ZAN: variants seen among roughly 807,000 people sequenced by gnomAD.
ZAN encodes the protein zonadhesin.
ZAN carries 260 observed loss-of-function variants against 286.2 expected under a neutral mutation model. That is an observed-to-expected ratio of 0.91 (90% CI 0.82 to 1.01). The LOEUF (loss-of-function observed/expected upper bound fraction) is 1.01, where lower values mean the gene tolerates loss of function less well. Among genes scored for constraint, ZAN ranks in the 50% least tolerant of loss-of-function variants. The pLI is 0.00. For missense variants in ZAN, 3,410 were observed against 3,639.2 expected (o/e 0.94, Z 1.62); for synonymous variants, 1,368 against 1,417.5 (o/e 0.97, Z 0.79).
chr7:100,757,916 C>T (rs1286606635), intron 15 of ZAN, among the ~76,000 whole-genome samples: 2 of 128,634 alleles, frequency 1.6e-5, no homozygotes, highest in Admixed American at 8.2e-5. Context: ...CTCTCCAAAA[C>T]GTTAAAAAAA....
At chr7:100,771,556 C>T (rs781580777) in intron 28 of ZAN, among the ~76,000 whole-genome samples, 35 of 152,036 alleles carry the variant, frequency 2.3e-4, no homozygotes, top group Non-Finnish European at 4.9e-4. Flanking sequence ...CCCAACCTCC[C>T]GAGTTGCCTG....
At chr7:100,777,838 C>T (rs992199480) in intron 34 of ZAN, among the ~76,000 whole-genome samples, 16 of 151,836 alleles carry the variant, frequency 1.1e-4, no homozygotes, top group African/African-American at 1.7e-4. Context: ...ATGATCCTCC[C>T]GCCTCGGCCC....
intron 11 of ZAN, among the ~76,000 whole-genome samples, chr7:100,749,176 TA>T (rs1476312696): frequency 6.7e-6 from 1 of 150,204 alleles, no homozygotes; most frequent in South Asian, 2.1e-4. Context: ...CTGACTCCAC[TA>T]AAAAAAATGT....
At chr7:100,778,790 C>T (rs1263829396) in intron 34 of ZAN, among the ~76,000 whole-genome samples, 2 of 151,936 alleles carry the variant, frequency 1.3e-5, no homozygotes, top group Non-Finnish European at 2.9e-5. Flanking sequence ...CTCAGCACTT[C>T]GCGAGGCCGA....
rs552633663 is a variant in ZAN at position 100,749,444 on chromosome 7, T to G, written c.1249+974T>G. Among the ~76,000 whole-genome samples the G allele has an allele frequency of 1.6e-3, 248 of 150,830 alleles. 2 individuals are homozygous for G. In the East Asian group the frequency reaches 0.027, roughly 16 times the overall value. ...TCACAAGGTCAGGAGATCGAGACCATCCTGGCTAACACGGTGAAACCCCGT... is the reference window on the plus strand; with the variant it reads ...TCACAAGGTCAGGAGATCGAGACCAGCCTGGCTAACACGGTGAAACCCCGT... On this transcript the variant is annotated intron_variant, in intron 11 of 47. Transcript: ENST00000613979.
chr7:100,796,703 T>C (rs1812389747), intron 45 of ZAN, among the ~76,000 whole-genome samples: 1 of 151,952 alleles, frequency 6.6e-6, no homozygotes. Context: ...GGCGTGAGCC[T>C]TTGTGCCCAA....
At chr7:100,785,147 G>A (rs972186969) in intron 36 of ZAN, among the ~76,000 whole-genome samples, 3 of 150,960 alleles carry the variant, frequency 2.0e-5, no homozygotes, top group South Asian at 2.1e-4. Context: ...TGTTATATCC[G>A]TTTCCTCATC....
chr7:100,774,719 T>A lies in ZAN; in HGVS notation c.5780-609T>A, dbSNP rs181788815. Among the ~76,000 whole-genome samples, 10 of 151,032 alleles carry A rather than the reference T, an allele frequency of 6.6e-5. No homozygotes were observed. The East Asian group carries it at 7.8e-4, about 12-fold the overall frequency. On this transcript the variant is annotated intron_variant, in intron 31 of 47. Coordinates refer to ENST00000613979, the MANE Select transcript of ZAN (RefSeq NM_003386.3). ...TTTATGCCTGTAGTCCCAGATACTCTGGAGGCTGAGGTAGGAGGACCACTT... is the reference window on the plus strand; with the variant it reads ...TTTATGCCTGTAGTCCCAGATACTCAGGAGGCTGAGGTAGGAGGACCACTT...
intron 35 of ZAN, among the ~76,000 whole-genome samples, chr7:100,780,417 TA>T (rs1417500779): frequency 6.6e-6 from 1 of 152,006 alleles, no homozygotes; most frequent in Non-Finnish European, 1.5e-5. Flanking sequence ...CTCATGCCTA[TA>T]ATCTCAGCAA....
At chr7:100,786,907 A>G (rs1347287378) in intron 37 of ZAN, among the ~76,000 whole-genome samples, 1 of 152,042 alleles carries the variant, frequency 6.6e-6, no homozygotes, top group African/African-American at 2.4e-5. Context: ...TTAAAATTTT[A>G]AAAAATTAGT....
chr7:100,791,788 C>T (rs776092571), intron 40 of ZAN, among the ~76,000 whole-genome samples, 178 bp from the exon 41 acceptor site: 3 of 152,024 alleles, frequency 2.0e-5, no homozygotes, highest in Non-Finnish European at 2.9e-5. Flanking sequence ...AGTGCAGTGG[C>T]GTGATCTTGG....
At position 100,775,590 on chromosome 7, in the gene ZAN, G is replaced by C. The variant is rs1810713225; in HGVS notation, c.6027+15G>C. On this transcript the variant is annotated intron_variant, in intron 32 of 47. Coordinates refer to ENST00000613979, the MANE Select transcript of ZAN (RefSeq NM_003386.3). ...ACCGTGTGCTAGTGAGCTGGGTGTGGTGACCGGGGCTGGGAGGGAGTGCTG... is the reference window on the plus strand; with the variant it reads ...ACCGTGTGCTAGTGAGCTGGGTGTGCTGACCGGGGCTGGGAGGGAGTGCTG... 6.2e-7 allele frequency: 1 copy of C among 1,612,250 alleles called. No homozygotes were observed. Among genetic ancestry groups the C allele is most frequent in the Non-Finnish European group, 8.5e-7 (1 of 1,178,574 alleles).
rs1296444033 is a variant in ZAN, at chr7:100,763,757, G to C, written c.3987-49G>C. On this transcript the variant is annotated intron_variant, in intron 20 of 47. Transcript: ENST00000613979. The surrounding 1 kb of genome is among the most constrained non-coding windows in gnomAD (Gnocchi z 4.6). Reference sequence around the variant, plus strand: ...TTGCTGCCTGCTGGGTTAGGGATGAGCTGGAAGCGAGCTTTGTCTTTAGGG... The same window carrying C: ...TTGCTGCCTGCTGGGTTAGGGATGACCTGGAAGCGAGCTTTGTCTTTAGGG... 1.3e-6 allele frequency: 2 copies of C among 1,576,696 alleles called. No homozygotes were observed. Among genetic ancestry groups the C allele is most frequent in the Non-Finnish European group, 1.7e-6 (2 of 1,151,472 alleles).
chr7:100,779,811 C>G, intron 35 of ZAN, 61 bp downstream of exon 35: 1 of 1,474,498 alleles, frequency 6.8e-7, no homozygotes, highest in Non-Finnish European at 9.1e-7. Flanking sequence ...CTCTGCTTCC[C>G]TGAGAGCTCC....
rs768779642 is a variant in ZAN, at chr7:100,750,731, C to T, written c.1356C>T (p.Phe452=). The T allele has an allele frequency of 2.2e-5, 36 of 1,612,878 alleles. No homozygotes were observed. Among genetic ancestry groups the T allele is most frequent in the Non-Finnish European group, 2.6e-5 (31 of 1,179,548 alleles). Reference sequence around the variant, plus strand: ...CCCCAGGTGACATCTGCGTGGAGTTCGCATACCACATGTATGGCCTTGGGG... The same window carrying T: ...CCCCAGGTGACATCTGCGTGGAGTTTGCATACCACATGTATGGCCTTGGGG... ...FCAPGDICVE[F]AYHMYGLGEG... The change falls in exon 12 of 48, where the codon TTC becomes TTT. Residue 452 remains phenylalanine (F), a synonymous_variant. Transcript: ENST00000613979.
chr7:100,787,097 C>G lies in ZAN; in HGVS notation c.6980-792C>G, dbSNP rs534030056. On this transcript the variant is annotated intron_variant, in intron 37 of 47. Transcript: ENST00000613979. Reference sequence around the variant, plus strand: ...AAAAATAAAAATAATAATAAAGGGCCTCTAATTGAATGTCAGTAGGTATTG... The same window carrying G: ...AAAAATAAAAATAATAATAAAGGGCGTCTAATTGAATGTCAGTAGGTATTG... Among the ~76,000 whole-genome samples the G allele has an allele frequency of 2.0e-5, 3 of 150,534 alleles. No individual in the cohort carries two copies. The South Asian group carries it at 6.3e-4, about 32-fold the overall frequency.
intron 28 of ZAN, among the ~76,000 whole-genome samples, chr7:100,771,426 G>T (rs1264366693): frequency 3.4e-5 from 5 of 145,768 alleles, no homozygotes; most frequent in African/African-American, 1.3e-4. Flanking sequence ...AATCCAGGAG[G>T]TTTTTTTTTT....
At chr7:100,747,428 G>A in intron 8 of ZAN, 122 bp from the exon 9 acceptor site, 1 of 724,098 alleles carries the variant, frequency 1.4e-6, no homozygotes, top group Non-Finnish European at 2.4e-6. Flanking sequence ...AGAAGATTGT[G>A]CTTTCATTTG....
chr7:100,748,035 A>G, intron 9 of ZAN, 102 bp from the exon 10 acceptor site: 2 of 906,738 alleles, frequency 2.2e-6, no homozygotes, highest in Admixed American at 2.2e-5. Flanking sequence ...GTCTGGGCAC[A>G]GGGAGTAGGG....
Sources: gnomAD v4.1 joint callset for allele counts (sites outside exome capture counted in the v4.1 genomes callset) on GRCh38, gnomAD v4.1.1 for gene constraint, Gnocchi (gnomAD v3.1) non-coding constraint, MANE v1.5 for transcripts, NCBI Gene and HGNC (gene_info 2026-07-23, HGNC 2026-07-21) for gene names.